Variants in TBXT observed in about 807,000 individuals in gnomAD.
TBXT encodes the protein T-box transcription factor T, also known as T brachyury transcription factor.
In TBXT, 19 loss-of-function variants were observed where a neutral mutation model predicts 41.1. The ratio of observed to expected loss-of-function variants is 0.46; its 90% CI spans 0.32 to 0.68. TBXT has a LOEUF of 0.68. Among genes scored for constraint, TBXT ranks in the 30% least tolerant of loss-of-function variants. TBXT has a pLI of 0.03. For missense variants in TBXT, 536 were observed against 582.0 expected (o/e 0.92, Z 0.81); for synonymous variants, 213 against 238.9 (o/e 0.89, Z 1.00).
intron 6 of TBXT, 148 bp downstream of exon 6, chr6:166,162,299 C>T (rs2278677): frequency 0.14 from 111,268 of 809,002 alleles, 11,928 homozygotes; most frequent in East Asian, 0.5. Context: ...TGAAGATCTT[C>T]TCTTGAGCTA....
At chr6:166,165,667 C>T in intron 3 of TBXT, 39 bp downstream of exon 3, 1 of 1,612,924 alleles carries the variant, frequency 6.2e-7, no homozygotes, top group African/African-American at 1.3e-5. Context: ...CACCACACCG[C>T]AGCACACCGG....
rs781761429 is a variant in TBXT at position 166,167,380 on chromosome 6, A to C, written c.206+6T>G. On this transcript the variant is annotated splice_donor_region_variant and intron_variant, in intron 1 of 7. Transcript: ENST00000366876. ...CGGCGCGCGCGGGCTCCGGACGCGCACCCACCTGCCGTTCTTGGTCACGAT... is the reference window on the plus strand; with the variant it reads ...CGGCGCGCGCGGGCTCCGGACGCGCCCCCACCTGCCGTTCTTGGTCACGAT... The C allele has an allele frequency of 1.2e-6, 2 of 1,611,946 alleles. No individual in the cohort carries two copies. Among genetic ancestry groups the C allele is most frequent in the Non-Finnish European group, 8.5e-7 (1 of 1,179,778 alleles).
In TBXT at chr6:166,165,303, T is replaced by A. The variant is rs114565070; in HGVS notation, c.606+403A>T. 4.2e-3 allele frequency among the ~76,000 whole-genome samples: 641 copies of A among 152,032 alleles called. 9 individuals carry two copies. Among genetic ancestry groups the A allele is most frequent in the African/African-American group, 0.014 (598 of 41,476 alleles). The stretch of plus-strand genomic sequence containing the variant: ...CACCTATGCAGTAGCTTGTATCTAG[T>A]TGAGTCTTCACACTGCAGAGATTTG... On this transcript the variant is annotated intron_variant, in intron 3 of 7. Coordinates refer to ENST00000366876, the MANE Select transcript of TBXT (RefSeq NM_001366285.2).
chr6:166,161,328 G>T (rs377592351), intron 6 of TBXT, among the ~76,000 whole-genome samples: 1 of 152,128 alleles, frequency 6.6e-6, no homozygotes, highest in Non-Finnish European at 1.5e-5. Context: ...TCATAAGAAT[G>T]GGCGATAGAA....
chr6:166,167,725 T>G lies in TBXT; in HGVS notation c.-134A>C. ...ACCGAGACCTGCGACGGCTCCCGGGTCCCGGGTCCCGGCACAGACCCGGGA... is the reference window on the plus strand; with the variant it reads ...ACCGAGACCTGCGACGGCTCCCGGGGCCCGGGTCCCGGCACAGACCCGGGA... On this transcript the variant is annotated 5_prime_UTR_variant, in exon 1 of 8. Transcript: ENST00000366876. 1 of 1,172,942 alleles carries G rather than the reference T, an allele frequency of 8.5e-7. No individual in the cohort carries two copies. The highest frequency in any genetic ancestry group is 1.2e-6 in the Non-Finnish European group (1 of 830,920). 72.7% of individuals were successfully genotyped at this position (1,172,942 alleles called of 1,614,324 possible). A position where few individuals can be genotyped will look rare whatever the true frequency, so the allele number is the denominator to read the frequency against.
chr6:166,168,108 G>T (rs1779196290), upstream of TBXT, among the ~76,000 whole-genome samples: 3 of 151,448 alleles, frequency 2.0e-5, no homozygotes, highest in Admixed American at 2.0e-4. Context: ...TTCTCCAAAT[G>T]TTTGCACCTC....
chr6:166,163,185 G>A (rs114951921), intron 5 of TBXT, among the ~76,000 whole-genome samples: 2,132 of 152,254 alleles, frequency 0.014, 45 homozygotes, highest in African/African-American at 0.049. Flanking sequence ...GCTGAGAGAG[G>A]TGGGGTGGTG....
chr6:166,165,556 C>G (rs1390295006), intron 3 of TBXT, 150 bp downstream of exon 3: 1 of 1,217,492 alleles, frequency 8.2e-7, no homozygotes, highest in Non-Finnish European at 1.2e-6. Context: ...TCCTGTGCTT[C>G]CATTTCAAGT....
rs563354649 is a variant in TBXT, at chr6:166,160,972, G to A, written c.908-6C>T. 42 of 1,613,792 alleles carry A rather than the reference G, an allele frequency of 2.6e-5. No homozygotes were observed. In the South Asian group the frequency reaches 3.4e-4, roughly 13 times the overall value. On this transcript the variant is annotated splice_region_variant and splice_polypyrimidine_tract_variant and intron_variant, in intron 6 of 7. Transcript: ENST00000366876. ...AGGTGAGTTGTCAGAATAGGCTAAG[G>A]GGGGAAGGTAACAAAGTGCAATTAT...
In TBXT at chr6:166,167,478, T is replaced by C. The variant is rs757676401; in HGVS notation, c.114A>G (p.Thr38=). The C allele has an allele frequency of 3.1e-6, 5 of 1,611,884 alleles. No homozygotes were observed. Among genetic ancestry groups the C allele is most frequent in the Non-Finnish European group, 4.2e-6 (5 of 1,179,916 alleles). ...LQAGSEKGDP[T]ERELRVGLEE... ...CCAGGCCCACGCGCAGTTCGCGCTCTGTGGGGTCGCCCTTCTCGCTGCCCG... is the reference window on the plus strand; with the variant it reads ...CCAGGCCCACGCGCAGTTCGCGCTCCGTGGGGTCGCCCTTCTCGCTGCCCG... The change falls in exon 1 of 8, where the codon ACA becomes ACG. Residue 38 remains threonine, a synonymous_variant. Coordinates refer to ENST00000366876, the MANE Select transcript of TBXT (RefSeq NM_001366285.2).
intron 1 of TBXT, 72 bp from the exon 2 acceptor site, chr6:166,166,928 A>G (rs938809493): frequency 6.2e-7 from 1 of 1,606,692 alleles, no homozygotes; most frequent in Non-Finnish European, 8.5e-7. Context: ...AGCTGGGCAC[A>G]GAGGCCTCAG....
intron 5 of TBXT, among the ~76,000 whole-genome samples, chr6:166,163,174 T>C (rs1468647434): frequency 6.6e-6 from 1 of 152,166 alleles, no homozygotes; most frequent in African/African-American, 2.4e-5. Context: ...AGGTGAGAGA[T>C]GCTGAGAGAG....
intron 7 of TBXT, 34 bp downstream of exon 7, chr6:166,160,803 G>C: frequency 6.2e-7 from 1 of 1,613,160 alleles, no homozygotes; most frequent in Middle Eastern, 1.7e-4. Context: ...AGAGCTCCCA[G>C]GATGCTTTGC....
At chr6:166,165,448 T>C (rs1442399806) in intron 3 of TBXT, among the ~76,000 whole-genome samples, 1 of 152,234 alleles carries the variant, frequency 6.6e-6, no homozygotes, top group Non-Finnish European at 1.5e-5. Context: ...TTGGATCTTT[T>C]CATTTTGAGC....
rs1335253796 is a variant in TBXT, at chr6:166,158,136, T to G, written c.*179A>C. ...CGCTACTGCAGGTGTGAGCAAGGGA[T>G]GCTGGGGCTCTGGGGAAAGGTGCCG... On this transcript the variant is annotated 3_prime_UTR_variant, in exon 8 of 8. Coordinates refer to ENST00000366876, the MANE Select transcript of TBXT (RefSeq NM_001366285.2). The G allele has an allele frequency of 1.1e-6, 1 of 933,074 alleles. No homozygotes were observed. Among genetic ancestry groups the G allele is most frequent in the African/African-American group, 1.6e-5 (1 of 62,278 alleles). The allele number at this position is 933,074 out of a possible 1,614,324, so 57.8% of individuals were successfully genotyped here.
chr6:166,166,519 C>T (rs1253282609), intron 2 of TBXT, 73 bp downstream of exon 2: 4 of 1,608,392 alleles, frequency 2.5e-6, no homozygotes, highest in Non-Finnish European at 3.4e-6. Context: ...TCCCTTCCCA[C>T]AACCCCCGTG....
intron 5 of TBXT, 23 bp downstream of exon 5, chr6:166,164,582 T>C (rs1386802846): frequency 2.1e-5 from 34 of 1,614,004 alleles, no homozygotes; most frequent in Non-Finnish European, 2.5e-5. Context: ...CAGAATGACA[T>C]GACAGAGTGC....
Position 166,158,515 on chromosome 6 carries a change from C to T in TBXT, c.1111G>A (p.Gly371Arg), listed in dbSNP as rs749584982. 25 of 1,607,250 alleles carry T rather than the reference C, an allele frequency of 1.6e-5. No individual in the cohort carries two copies. The highest frequency in any genetic ancestry group is 6.6e-5 in the South Asian group (6 of 90,900). The change falls in exon 8 of 8, where the codon GGG (glycine) becomes AGG (arginine). Residue 371 changes from glycine to arginine, a missense_variant. Physicochemically the swap from Gly to Arg is moderately radical, Grantham distance 125. Transcript: ENST00000366876. ...CCCCGGAAGAACTGGGCCCCCAGCC[C>T]GTTGGACACGGCTGCTGCCTGGGAG... ...PGSQAAAVSNGLGAQFFRGSP... is the reference protein window; with the variant it reads ...PGSQAAAVSNRLGAQFFRGSP...
intron 2 of TBXT, among the ~76,000 whole-genome samples, chr6:166,166,217 A>G (rs1779104779): frequency 6.6e-6 from 1 of 152,208 alleles, no homozygotes; most frequent in South Asian, 2.1e-4. Flanking sequence ...TGTTCTTTAG[A>G]AAAGCACGAC....
Sources: gnomAD v4.1 joint callset for allele counts (sites outside exome capture counted in the v4.1 genomes callset) on GRCh38, gnomAD v4.1.1 for gene constraint, MANE v1.5 for transcripts, NCBI Gene and HGNC (gene_info 2026-07-23, HGNC 2026-07-21) for gene names.